Variants in SLC49A3 observed in about 807,000 individuals in gnomAD.
SLC49A3 encodes the protein solute carrier family 49 member 3.
Under a neutral mutation model 43.8 loss-of-function variants are expected in SLC49A3, and 50 were observed. That is an observed-to-expected ratio of 1.14 (90% CI 0.91 to 1.45). The LOEUF (loss-of-function observed/expected upper bound fraction) is 1.45. SLC49A3 is among the 40% of genes most tolerant of loss of function. The probability of loss-of-function intolerance (pLI) is 0.00; values close to 1 mark genes in which losing one functional copy is unlikely to be tolerated. For synonymous variants in SLC49A3, 413 were observed against 352.0 expected (o/e 1.17, Z -1.94); for missense variants, 906 against 774.1 (o/e 1.17, Z -2.02).
chr4:686,733 G>C, intron 1 of SLC49A3, 43 bp from the exon 2 acceptor site: 3 of 1,587,558 alleles, frequency 1.9e-6, no homozygotes, highest in Non-Finnish European at 2.6e-6. Context: ...CACAGACCCC[G>C]GACCTACCTG....
At chr4:679,907 G>A (rs774535772), downstream of SLC49A3, 6 of 1,613,308 alleles carry the variant, frequency 3.7e-6, no homozygotes, top group Admixed American at 5.0e-5. Context: ...CCCCATGTCT[G>A]TAACAGGCAA....
At chr4:681,208 A>AG, downstream of SLC49A3, 3 of 1,546,774 alleles carry the variant, frequency 1.9e-6, no homozygotes, top group Non-Finnish European at 2.6e-6. Flanking sequence ...AGCTGGGTGG[A>AG]GGGGGACGCG....
chr4:685,023 C>T lies in SLC49A3; in HGVS notation c.586-167G>A, dbSNP rs1056405200. Reference sequence around the variant, plus strand: ...TTTGCGAGGCCCAGGCTGGGAGGGGCCTGCTCCAGGGGCTCATGGGGACCC... The same window carrying T: ...TTTGCGAGGCCCAGGCTGGGAGGGGTCTGCTCCAGGGGCTCATGGGGACCC... On this transcript the variant is annotated intron_variant, in intron 4 of 9. Transcript: ENST00000322224. This position sits in a 1 kb window ranked among gnomAD's most constrained non-coding sequence, Gnocchi z 4.3. The T allele has an allele frequency of 5.3e-6, 5 of 943,724 alleles. No individual in the cohort carries two copies. The highest frequency in any genetic ancestry group is 6.5e-5 in the Admixed American group (2 of 30,722). 58.5% of individuals were successfully genotyped at this position (943,724 alleles called of 1,614,324 possible).
downstream of SLC49A3, chr4:681,264 C>G (rs1431845227): frequency 8.5e-7 from 1 of 1,170,680 alleles, no homozygotes; most frequent in Middle Eastern, 2.8e-4. Context: ...ACAGAACAGG[C>G]CCCCGGGGGG....
chr4:689,090 T>C lies in SLC49A3; in HGVS notation c.38A>G (p.Glu13Gly). Reference sequence around the variant, plus strand: ...CCGCTGCGCGCACAGGGCCCGGGGCTCGGCCAACCCCGTCTCGGCCTCCGT... The same window carrying C: ...CCGCTGCGCGCACAGGGCCCGGGGCCCGGCCAACCCCGTCTCGGCCTCCGT... ...GPTEAETGLA[E>G]PRALCAQRGH... Residue 13 changes from glutamate (E) to glycine (G), a missense_variant, in exon 1 of 10, where the codon GAG becomes GGG. Transcript: ENST00000322224. 3 of 1,528,414 alleles carry C rather than the reference T, an allele frequency of 2.0e-6. No individual in the cohort carries two copies. Among genetic ancestry groups the C allele is most frequent in the Non-Finnish European group, 2.6e-6 (3 of 1,145,798 alleles). 94.7% of individuals were successfully genotyped at this position (1,528,414 alleles called of 1,614,324 possible).
chr4:685,025 T>G lies in SLC49A3; in HGVS notation c.586-169A>C, dbSNP rs1483166603. 1 of 908,494 alleles carries G rather than the reference T, an allele frequency of 1.1e-6. No individual in the cohort carries two copies. Among genetic ancestry groups the G allele is most frequent in the Non-Finnish European group, 1.6e-6 (1 of 626,948 alleles). The allele number at this position is 908,494 out of a possible 1,614,324, so 56.3% of individuals were successfully genotyped here. A position where few individuals can be genotyped will look rare whatever the true frequency, so the allele number is the denominator to read the frequency against. Reference sequence around the variant, plus strand: ...TGCGAGGCCCAGGCTGGGAGGGGCCTGCTCCAGGGGCTCATGGGGACCCCT... The same window carrying G: ...TGCGAGGCCCAGGCTGGGAGGGGCCGGCTCCAGGGGCTCATGGGGACCCCT... On this transcript the variant is annotated intron_variant, in intron 4 of 9. Coordinates refer to ENST00000322224, the MANE Select transcript of SLC49A3 (RefSeq NM_032219.4). The surrounding 1 kb of genome is among the most constrained non-coding windows in gnomAD (Gnocchi z 4.3).
At chr4:681,085 T>C, downstream of SLC49A3, 1 of 1,598,490 alleles carries the variant, frequency 6.3e-7, no homozygotes, top group Non-Finnish European at 8.5e-7. Context: ...CCTTTCCTCG[T>C]CCTCAGCATC....
At chr4:680,522 G>T (rs1221068035), downstream of SLC49A3, 1 of 1,613,476 alleles carries the variant, frequency 6.2e-7, no homozygotes, top group South Asian at 1.1e-5. Flanking sequence ...CCGACGCCGA[G>T]GAGACCATTC....
chr4:691,231 T>C (rs1452427397), upstream of SLC49A3, among the ~76,000 whole-genome samples: 3 of 144,800 alleles, frequency 2.1e-5, no homozygotes, highest in Non-Finnish European at 4.5e-5. Flanking sequence ...TGCAGTGAGC[T>C]GAGATCATGC....
At position 682,050 on chromosome 4, in the gene SLC49A3, G is replaced by A. The variant is rs754205040; in HGVS notation, c.1588C>T (p.Pro530Ser). ...TGGACCCTGCCTGCGAGTCTGCCGG[G>A]GCGGGAGGGCGCGTCGGTGGCTGCT... The part of the protein sequence containing the change: ...GPAATDAPSR[P>S]GRLAGRVQAS... The change falls in exon 10 of 10, where the codon CCC (proline) becomes TCC (serine). Residue 530 changes from proline to serine, a missense_variant. Physicochemically the swap from Pro to Ser is moderately conservative, Grantham distance 74. Transcript: ENST00000322224. 2.1e-6 allele frequency: 3 copies of A among 1,416,886 alleles called. No homozygotes were observed. Among genetic ancestry groups the A allele is most frequent in the Non-Finnish European group, 2.8e-6 (3 of 1,073,394 alleles). The allele number at this position is 1,416,886 out of a possible 1,614,324, so 87.8% of individuals were successfully genotyped here.
Position 688,992 on chromosome 4 carries a change from CCGTGG to C in SLC49A3, c.131_135del (p.Thr45ValfsTer9). On this transcript the variant is annotated frameshift_variant and splice_region_variant, in exon 1 of 10. Transcript: ENST00000322224. LOFTEE classifies it high-confidence loss of function. Reference sequence around the variant, plus strand: ...CCACCTGTCCCCGCCCCTGCCCCTACCGTGGCGTTGGAGCAGTTGAGCAGGCTGAT... The same window carrying C: ...CCACCTGTCCCCGCCCCTGCCCCTACCGTTGGAGCAGTTGAGCAGGCTGAT... 6.3e-7 allele frequency: 1 copy of C among 1,592,592 alleles called. No individual in the cohort carries two copies. The highest frequency in any genetic ancestry group is 1.1e-5 in the South Asian group (1 of 90,316).
chr4:686,713 A>G (rs906397895), intron 1 of SLC49A3, 23 bp from the exon 2 acceptor site: 2 of 1,607,108 alleles, frequency 1.2e-6, no homozygotes, highest in Non-Finnish European at 1.7e-6. Flanking sequence ...GGCGGGAGTC[A>G]GCGCAGGGCC....
upstream of SLC49A3, among the ~76,000 whole-genome samples, chr4:689,679 G>A (rs1741705057): frequency 6.6e-6 from 1 of 152,280 alleles, no homozygotes; most frequent in South Asian, 2.1e-4. Flanking sequence ...AAGGCTGGAG[G>A]GAAGGCCAGA....
chr4:681,803 G>C (rs1269283674), downstream of SLC49A3: 3 of 1,242,198 alleles, frequency 2.4e-6, no homozygotes, highest in South Asian at 4.0e-5. Context: ...CCCCTCCCGC[G>C]GCGCAGAAAC....
At chr4:678,601 C>T (rs766720448), downstream of SLC49A3, 4 of 1,557,566 alleles carry the variant, frequency 2.6e-6, no homozygotes, top group African/African-American at 1.4e-5. Flanking sequence ...ACTCTGGGTG[C>T]CCTGGAGGGT....
chr4:682,239 A>G lies in SLC49A3; in HGVS notation c.1399T>C (p.Ser467Pro). ...STRNAVGGAD[S>P]GPGVDRGGAG... ...CCCCCTCGGTCCACACCCGGCCCTG[A>G]GTCTGCGCCGCCCACGGCGTTACGG... Residue 467 changes from serine to proline, a missense_variant, in exon 10 of 10, where the codon TCA (serine) becomes CCA (proline). Physicochemically the swap from Ser to Pro is moderately conservative, Grantham distance 74. Coordinates refer to ENST00000322224, the MANE Select transcript of SLC49A3 (RefSeq NM_032219.4). 1 of 1,379,802 alleles carries G rather than the reference A, an allele frequency of 7.2e-7. No homozygotes were observed. Among genetic ancestry groups the G allele is most frequent in the South Asian group, 1.8e-5 (1 of 55,584 alleles). 85.5% of individuals were successfully genotyped at this position (1,379,802 alleles called of 1,614,324 possible).
chr4:684,636 G>A, intron 5 of SLC49A3, 37 bp from the exon 6 acceptor site: 1 of 1,611,652 alleles, frequency 6.2e-7, no homozygotes, highest in Non-Finnish European at 8.5e-7. Flanking sequence ...GGAGCCCGGG[G>A]GCCCTTCCCA....
In SLC49A3 at chr4:686,180, G is replaced by T. The variant is rs1241666038; in HGVS notation, c.417C>A (p.Ala139=). The T allele has an allele frequency of 6.2e-7, 1 of 1,613,494 alleles. No homozygotes were observed. The highest frequency in any genetic ancestry group is 8.5e-7 in the Non-Finnish European group (1 of 1,180,018). ...CTGGAGAGAAGATGACCAGGCTCTG[G>T]GCAAGGGCACAGAGGCTCTGGCCAC... ...LMGGQSLCAL[A]QSLVIFSPAK... is the part of the protein sequence containing the mutation. Residue 139 remains alanine (A), a synonymous_variant, in exon 3 of 10, where the codon GCC becomes GCA. Transcript: ENST00000322224.
downstream of SLC49A3, chr4:677,934 G>T (rs577893306): frequency 6.2e-7 from 1 of 1,606,132 alleles, no homozygotes; most frequent in Non-Finnish European, 8.5e-7. Flanking sequence ...AGTGGCAGCC[G>T]GAGTCTGAAC....
Sources: allele counts gnomAD v4.1 joint callset (sites outside exome capture counted in the v4.1 genomes callset), GRCh38; gene constraint gnomAD v4.1.1; non-coding constraint Gnocchi (gnomAD v3.1); transcripts MANE v1.5; gene names NCBI Gene and HGNC (gene_info 2026-07-23, HGNC 2026-07-21).